Variants in BANK1 observed in about 807,000 individuals in gnomAD.
BANK1 encodes the protein B cell scaffold protein with ankyrin repeats 1, also known as B-cell scaffold protein with ankyrin repeats.
A neutral mutation model predicts 94.5 loss-of-function variants in BANK1; 95 were observed. The observed-to-expected ratio is 1.00, with a 90% CI of 0.85 to 1.19. BANK1 has a LOEUF of 1.19. Among genes scored for constraint, BANK1 ranks in the 50% most tolerant of loss-of-function variants. The pLI, the probability that BANK1 is intolerant of heterozygous loss-of-function variation, is 0.00. For missense variants in BANK1, 987 were observed against 932.2 expected, an observed-to-expected ratio of 1.06 and a Z score of -0.77; for synonymous variants, 334 against 308.4, an observed-to-expected ratio of 1.08 and a Z score of -0.87.
chr4:101,890,485 T>G (rs1721823550), intron 5 of BANK1, among the ~76,000 whole-genome samples: 1 of 151,164 alleles, frequency 6.6e-6, no homozygotes, highest in Non-Finnish European at 1.5e-5. Flanking sequence ...CATTTTTGCT[T>G]TCCTTTGTAA....
At chr4:101,981,807 C>A (rs905283886) in intron 7 of BANK1, 1 of 152,082 alleles carries the variant, frequency 6.6e-6, no homozygotes, top group Admixed American at 6.6e-5. Flanking sequence ...TATCCATCTA[C>A]TGTCAAAGGA....
chr4:101,862,180 C>T (rs1727902018), intron 3 of BANK1, among the ~76,000 whole-genome samples: 1 of 152,034 alleles, frequency 6.6e-6, no homozygotes, highest in African/African-American at 2.4e-5. Flanking sequence ...GAATTATAGC[C>T]TTCTGCTGGT....
At chr4:102,031,617 A>G (rs1245254792) in intron 10 of BANK1, among the ~76,000 whole-genome samples, 1 of 152,204 alleles carries the variant, frequency 6.6e-6, no homozygotes, top group African/African-American at 2.4e-5. Flanking sequence ...GATAATGACA[A>G]GTCTTTCAGG....
At position 101,821,423 on chromosome 4, in the gene BANK1, T is replaced by C. The variant is rs140690581; in HGVS notation, c.71-8385T>C. Among the ~76,000 whole-genome samples the C allele has an allele frequency of 7.9e-3, 1,202 of 152,332 alleles. 19 individuals are homozygous for C. Among genetic ancestry groups the C allele is most frequent in the African/African-American group, 0.027 (1,130 of 41,574 alleles). On this transcript the variant is annotated intron_variant, in intron 1 of 16. Coordinates refer to ENST00000322953, the MANE Select transcript of BANK1 (RefSeq NM_017935.5). ...TACGTTGTCTGTTCACTGTTGATAC[T>C]TTCTTTTGCTGTTCAGAAACTCTTG...
At chr4:102,007,146 T>TTTATATATATATATATATATATA (rs1726327024) in intron 7 of BANK1, among the ~76,000 whole-genome samples, 1 of 38,068 alleles carries the variant, frequency 2.6e-5, no homozygotes, top group South Asian at 5.9e-4. Context: ...AAAATATATT[T>TTTATATATATATATATATATATA]TATATATATA....
chr4:101,911,952 A>G (rs766022824), intron 6 of BANK1, among the ~76,000 whole-genome samples: 10 of 152,180 alleles, frequency 6.6e-5, no homozygotes, highest in Non-Finnish European at 1.0e-4. Context: ...CATAAATAGT[A>G]TCTATTAGTA....
chr4:102,058,948 A>C (rs1402556909), intron 11 of BANK1, among the ~76,000 whole-genome samples: 1 of 152,178 alleles, frequency 6.6e-6, no homozygotes, highest in East Asian at 1.9e-4. Context: ...CTGTTCCAAG[A>C]TTCACTGTTA....
chr4:102,038,714 T>C (rs560926097), intron 10 of BANK1, among the ~76,000 whole-genome samples: 7 of 152,300 alleles, frequency 4.6e-5, no homozygotes, highest in Non-Finnish European at 8.8e-5. Flanking sequence ...TATAAAAGTT[T>C]CTAGAATGTA....
intron 6 of BANK1, among the ~76,000 whole-genome samples, chr4:101,904,025 T>A (rs534829598): frequency 2.4e-3 from 368 of 152,338 alleles, no homozygotes; most frequent in Non-Finnish European, 4.2e-3. Context: ...TTCAATTGCT[T>A]GCCCCACAAA....
chr4:101,912,482 A>G (rs886742096), intron 6 of BANK1, among the ~76,000 whole-genome samples: 2 of 151,778 alleles, frequency 1.3e-5, no homozygotes, highest in Non-Finnish European at 2.9e-5. Context: ...AGAAACCAAT[A>G]AAATGTGTGT....
chr4:101,840,284 A>G (rs1726996886), intron 2 of BANK1, among the ~76,000 whole-genome samples: 1 of 152,096 alleles, frequency 6.6e-6, no homozygotes, highest in East Asian at 1.9e-4. Flanking sequence ...TTAATTTTAT[A>G]GTGTGTTTAA....
intron 5 of BANK1, among the ~76,000 whole-genome samples, chr4:101,888,619 T>A (rs1440894693): frequency 1.3e-5 from 2 of 152,232 alleles, no homozygotes; most frequent in African/African-American, 4.8e-5. Context: ...ACTTATTAGC[T>A]CTGCCAATTT....
intron 7 of BANK1, among the ~76,000 whole-genome samples, chr4:101,935,705 A>G (rs184305419): frequency 3.3e-4 from 50 of 151,650 alleles, no homozygotes; most frequent in African/African-American, 1.1e-3. Flanking sequence ...GAAACATGGA[A>G]TAAATCCTCT....
At chr4:101,896,472 C>T (rs925293181) in intron 6 of BANK1, among the ~76,000 whole-genome samples, 7 of 151,916 alleles carry the variant, frequency 4.6e-5, no homozygotes, top group African/African-American at 9.7e-5. Context: ...GCTTGTGATT[C>T]ACCTAGATTT....
At chr4:102,017,261 G>C (rs905799502) in intron 7 of BANK1, among the ~76,000 whole-genome samples, 2 of 152,166 alleles carry the variant, frequency 1.3e-5, no homozygotes, top group African/African-American at 2.4e-5. Context: ...TGACAGAGAT[G>C]GTCAGAGGCA....
intron 6 of BANK1, among the ~76,000 whole-genome samples, chr4:101,916,747 A>G (rs539844089): frequency 2.0e-4 from 31 of 152,164 alleles, no homozygotes; most frequent in African/African-American, 7.2e-4. Flanking sequence ...TACTGTTTGA[A>G]AGACATTGGC....
At position 102,070,215 on chromosome 4, in the gene BANK1, G is replaced by T. The variant is rs116547862; in HGVS notation, c.2213-1060G>T. 7.5e-3 allele frequency among the ~76,000 whole-genome samples: 1,140 copies of T among 152,286 alleles called. 5 individuals carry two copies. Among genetic ancestry groups the T allele is most frequent in the Middle Eastern group, 0.014 (4 of 294 alleles). On this transcript the variant is annotated intron_variant, in intron 13 of 16. Coordinates refer to ENST00000322953, the MANE Select transcript of BANK1 (RefSeq NM_017935.5). Reference sequence around the variant, plus strand: ...AGGCACTGTGGAGGTCAAGCTCCCTGTTTAACCTTGATCCTAAGACTTTAT... The same window carrying T: ...AGGCACTGTGGAGGTCAAGCTCCCTTTTTAACCTTGATCCTAAGACTTTAT...
rs1727283155 is a variant in BANK1, at chr4:102,030,879, G to T, written c.1900+614G>T. On this transcript the variant is annotated intron_variant, in intron 10 of 16. Coordinates refer to ENST00000322953, the MANE Select transcript of BANK1 (RefSeq NM_017935.5). Reference sequence around the variant, plus strand: ...GTTGGTTCCAAGTCTTTGCTATTATGAATAGTGCCACAATAAACATACATG... The same window carrying T: ...GTTGGTTCCAAGTCTTTGCTATTATTAATAGTGCCACAATAAACATACATG... Among the ~76,000 whole-genome samples, 5 of 152,182 alleles carry T rather than the reference G, an allele frequency of 3.3e-5. No individual in the cohort carries two copies. In the South Asian group the frequency reaches 1.0e-3, roughly 32 times the overall value.
chr4:101,896,980 C>T (rs144109472), intron 6 of BANK1, among the ~76,000 whole-genome samples: 5 of 151,934 alleles, frequency 3.3e-5, no homozygotes, highest in African/African-American at 1.2e-4. Context: ...AATAATGTTC[C>T]AATGTATACT....
Sources: gnomAD v4.1 joint callset for allele counts (sites outside exome capture counted in the v4.1 genomes callset) on GRCh38, gnomAD v4.1.1 for gene constraint, MANE v1.5 for transcripts, NCBI Gene and HGNC (gene_info 2026-07-23, HGNC 2026-07-21) for gene names.